The following HDAC9 variants were observed in gnomAD, a reference collection of about 807,000 sequenced individuals.
The protein encoded by HDAC9 is MEF-2 interacting transcription repressor (MITR) protein.
Under a neutral mutation model 139.4 loss-of-function variants are expected in HDAC9, and 41 were observed. That is an observed-to-expected ratio of 0.29 (90% CI 0.23 to 0.38). The LOEUF is 0.38. Among genes scored for constraint, HDAC9 ranks in the 10% least tolerant of loss-of-function variants. The pLI is 1.00. For missense variants in HDAC9, 1,147 were observed against 1,297.0 expected, an observed-to-expected ratio of 0.88 and a Z score of 1.78; for synonymous variants, 517 against 476.2, an observed-to-expected ratio of 1.09 and a Z score of -1.12.
upstream of HDAC9, among the ~76,000 whole-genome samples, chr7:18,495,360 A>G (rs1796717876): frequency 1.3e-5 from 2 of 152,148 alleles, no homozygotes; most frequent in Admixed American, 1.3e-4. Context: ...TACTACAAAA[A>G]TAAAATGAAA....
chr7:18,654,963 A>G (rs1447338056), intron 11 of HDAC9, among the ~76,000 whole-genome samples: 1 of 152,140 alleles, frequency 6.6e-6, no homozygotes, highest in Non-Finnish European at 1.5e-5. Context: ...GCCACATTTC[A>G]TTCCTTTCTC....
chr7:18,190,557 C>G (rs1292453469), intron 2 of HDAC9, among the ~76,000 whole-genome samples: 3 of 151,858 alleles, frequency 2.0e-5, no homozygotes, highest in African/African-American at 7.3e-5. Context: ...CCCAATATTG[C>G]AAGATAAAAG....
At position 18,717,909 on chromosome 7, in the gene HDAC9, G is replaced by C. The variant is rs906423995; in HGVS notation, c.1732-9671G>C. On this transcript the variant is annotated intron_variant, in intron 12 of 25. Transcript: ENST00000686413. ...TAAACATTATTTTAAAATTAATTTT[G>C]AGATAGTGGGATAGAAACTTTTTTA... Among the ~76,000 whole-genome samples the C allele has an allele frequency of 1.1e-4, 16 of 152,198 alleles. 1 individual carries two copies. In the South Asian group the frequency reaches 1.7e-3, roughly 16 times the overall value.
intron 2 of HDAC9, among the ~76,000 whole-genome samples, chr7:18,539,209 C>G (rs900871646): frequency 1.3e-5 from 2 of 152,178 alleles, no homozygotes; most frequent in African/African-American, 2.4e-5. Context: ...TCATGTGGCT[C>G]TACTCTACTT....
At position 18,955,206 on chromosome 7, in the gene HDAC9, C is replaced by T. The variant is rs534847643; in HGVS notation, c.3022+976C>T. ...CACTATTCAAGTCTCTGATATAAGCCTAAAGTACAGGAACTGACAGAGACA... is the reference window on the plus strand; with the variant it reads ...CACTATTCAAGTCTCTGATATAAGCTTAAAGTACAGGAACTGACAGAGACA... On this transcript the variant is annotated intron_variant, in intron 24 of 25. Transcript: ENST00000686413. Among the ~76,000 whole-genome samples the T allele has an allele frequency of 1.1e-4, 16 of 152,150 alleles. No homozygotes were observed. In the South Asian group the frequency reaches 3.3e-3, roughly 32 times the overall value.
rs199971086 is a variant in HDAC9 at position 18,762,324 on chromosome 7, A to G, written c.2164+47A>G. On this transcript the variant is annotated intron_variant, in intron 15 of 25. Transcript: ENST00000686413. The stretch of plus-strand genomic sequence containing the variant: ...ACTGGGAACAGCACATTCCAGCACT[A>G]TCATTAGTCAACGCTGGTGTCAGTT... The G allele has an allele frequency of 4.9e-5, 78 of 1,598,634 alleles. No individual in the cohort carries two copies. The African/African-American group carries it at 9.8e-4, about 20-fold the overall frequency.
chr7:18,577,663 A>G lies in HDAC9; in HGVS notation c.23-7618A>G, dbSNP rs571496017. On this transcript the variant is annotated intron_variant, in intron 2 of 25. Transcript: ENST00000686413. The stretch of plus-strand genomic sequence containing the variant: ...TTTTTATTTCCATTGTATTTAGCAG[A>G]GTAATAGCATATGCTCAAAAAATGT... Among the ~76,000 whole-genome samples, 390 of 152,260 alleles carry G rather than the reference A, an allele frequency of 2.6e-3. 6 individuals are homozygous for G. The highest frequency in any genetic ancestry group is 1.6e-3 in the Non-Finnish European group (109 of 68,026).
chr7:18,380,083 T>C lies in HDAC9; in HGVS notation c.-42+89568T>C, dbSNP rs936505619. ...CTCTAAGTAAAATGAGACATTTAATTATGCTAGTGAATACAAATGTATCAA... is the reference window on the plus strand; with the variant it reads ...CTCTAAGTAAAATGAGACATTTAATCATGCTAGTGAATACAAATGTATCAA... On this transcript the variant is annotated intron_variant, in intron 1 of 3. Coordinates refer to the HDAC9 transcript ENST00000413509. 2.7e-4 allele frequency among the ~76,000 whole-genome samples: 41 copies of C among 152,226 alleles called. 1 individual carries two copies. Among genetic ancestry groups the C allele is most frequent in the Admixed American group, 2.4e-3 (36 of 15,282 alleles).
rs1176804340 is a variant in HDAC9, at chr7:18,998,208, A to G, written c.*2146A>G. ...TTCATAATTATAAATCTCTGTCATT[A>G]CTTTTTAGTCCTCCCAGATATTTTT... On this transcript the variant is annotated 3_prime_UTR_variant, in exon 26 of 26. Transcript: ENST00000686413. The G allele has an allele frequency of 7.2e-6, 1 of 138,230 alleles. No homozygotes were observed. The highest frequency in any genetic ancestry group is 1.5e-5 in the Non-Finnish European group (1 of 65,930). The allele number at this position is 138,230 out of a possible 1,614,324, so 8.6% of individuals were successfully genotyped here.
rs114624672 is a variant in HDAC9 at position 18,425,453 on chromosome 7, C to T, written c.-41-70809C>T. ...CATTCACAGCTGAGTGGGCAGGTGA[C>T]GCGTGTTAGGGAGAGAGCTGCTATC... On this transcript the variant is annotated intron_variant, in intron 1 of 3. Coordinates refer to the HDAC9 transcript ENST00000413509. 2.6e-3 allele frequency among the ~76,000 whole-genome samples: 390 copies of T among 152,234 alleles called. 2 individuals carry two copies. The highest frequency in any genetic ancestry group is 9.1e-3 in the African/African-American group (376 of 41,528).
intron 2 of HDAC9, among the ~76,000 whole-genome samples, chr7:18,204,332 CTTTTTTT>C (rs35479287): frequency 1.7e-5 from 2 of 116,016 alleles, no homozygotes; most frequent in Non-Finnish European, 3.6e-5. Flanking sequence ...TTGAATCTGC[CTTTTTTT>C]TTTTTTTTTT....
intron 1 of HDAC9, among the ~76,000 whole-genome samples, chr7:18,361,847 A>T (rs1428489004): frequency 6.6e-6 from 1 of 152,118 alleles, no homozygotes; most frequent in East Asian, 1.9e-4. Context: ...GCATAAAGCC[A>T]ACTAATTACT....
intron 13 of HDAC9, 136 bp downstream of exon 13, chr7:18,727,893 G>A (rs1267239834): frequency 6.8e-6 from 4 of 588,138 alleles, no homozygotes; most frequent in Non-Finnish European, 1.1e-5. Flanking sequence ...AATTTTACGA[G>A]GTTATATTGG....
intron 7 of HDAC9, among the ~76,000 whole-genome samples, chr7:18,631,187 T>C (rs1042587787): frequency 6.6e-5 from 10 of 152,252 alleles, no homozygotes; most frequent in Admixed American, 6.5e-4. Flanking sequence ...TACCAGAGTT[T>C]TACTCGAATT....
intron 11 of HDAC9, among the ~76,000 whole-genome samples, chr7:18,657,452 C>T (rs1376378736): frequency 6.6e-6 from 1 of 152,104 alleles, no homozygotes; most frequent in Non-Finnish European, 1.5e-5. Flanking sequence ...CACACTGTGC[C>T]TCTATTTTCT....
At chr7:18,307,864 T>C (rs1468745965) in intron 1 of HDAC9, among the ~76,000 whole-genome samples, 1 of 152,238 alleles carries the variant, frequency 6.6e-6, no homozygotes, top group East Asian at 1.9e-4. Flanking sequence ...CATAGTAATA[T>C]TTTAAAAACA....
In HDAC9 at chr7:18,647,770, T is replaced by TA. The variant is rs1178776664; in HGVS notation, c.1036-14dup. 7.5e-6 allele frequency: 12 copies of TA among 1,589,668 alleles called. No individual in the cohort carries two copies. The highest frequency in any genetic ancestry group is 1.0e-5 in the Non-Finnish European group (12 of 1,167,042). On this transcript the variant is annotated splice_polypyrimidine_tract_variant and intron_variant, in intron 9 of 25. Coordinates refer to ENST00000686413, the MANE Select transcript of HDAC9 (RefSeq NM_178425.4). ...GATGAAAGAGGATTAACATCTTTGT[T>TA]ATTTCTCAACACAGGCTTCGAATTC...
chr7:18,917,870 G>A (rs1485229371), intron 22 of HDAC9, among the ~76,000 whole-genome samples: 1 of 151,944 alleles, frequency 6.6e-6, no homozygotes, highest in Non-Finnish European at 1.5e-5. Context: ...AGCCTATTCA[G>A]TGCAGTCATT....
intron 2 of HDAC9, among the ~76,000 whole-genome samples, chr7:18,284,940 G>A (rs1219494670): frequency 6.6e-6 from 1 of 152,160 alleles, no homozygotes; most frequent in Non-Finnish European, 1.5e-5. Flanking sequence ...AGGACCCAAT[G>A]ACAGTTGTTT....
Sources: allele counts gnomAD v4.1 joint callset (sites outside exome capture counted in the v4.1 genomes callset), GRCh38; gene constraint gnomAD v4.1.1; transcripts MANE v1.5; gene names NCBI Gene and HGNC (gene_info 2026-07-23, HGNC 2026-07-21).